KLK12: variants seen among roughly 807,000 people sequenced by gnomAD.
KLK12 encodes the protein kallikrein related peptidase 12, also known as kallikrein-12.
KLK12 carries 23 observed loss-of-function variants against 20.0 expected under a neutral mutation model. The observed-to-expected ratio is 1.15, with a 90% confidence interval of 0.83 to 1.63. The LOEUF (loss-of-function observed/expected upper bound fraction) is 1.63. KLK12 is among the 40% of genes most tolerant of loss of function. KLK12 has a pLI of 0.00. For synonymous variants in KLK12, 147 were observed against 141.9 expected (o/e 1.04, Z -0.25); for missense variants, 351 against 338.6 (o/e 1.04, Z -0.29).
At chr19:51,029,523 C>A (rs2122595210) in intron 5 of KLK12, 66 bp from the exon 6 acceptor site, 1 of 1,357,822 alleles carries the variant, frequency 7.4e-7, no homozygotes, top group Non-Finnish European at 1.1e-6. Context: ...CTCCCCAACC[C>A]TTCAACCCAG....
chr19:51,032,062 A>G lies in KLK12; in HGVS notation c.271T>C (p.Phe91Leu). Residue 91 changes from phenylalanine (F) to leucine (L), a missense_variant, in exon 4 of 6, where the codon TTC becomes CTC. Phe to Leu is a conservative substitution (Grantham distance 22, BLOSUM62 0). Transcript: ENST00000684732. Reference sequence around the variant, plus strand: ...AGGTAGCCGGGATGGGTCACAGAGAAGCCGCTGTGCCGGATCTGCTCGGTC... The same window carrying G: ...AGGTAGCCGGGATGGGTCACAGAGAGGCCGCTGTGCCGGATCTGCTCGGTC... ...DWTEQIRHSG[F>L]SVTHPGYLGA... 1.2e-6 allele frequency: 2 copies of G among 1,604,722 alleles called. No homozygotes were observed. The highest frequency in any genetic ancestry group is 1.7e-6 in the Non-Finnish European group (2 of 1,177,462).
chr19:51,034,661 C>T (rs2122627112), intron 1 of KLK12, 21 bp from the exon 2 acceptor site: 1 of 1,598,320 alleles, frequency 6.3e-7, no homozygotes, highest in Middle Eastern at 2.1e-4. Flanking sequence ...AGGGGAATCT[C>T]AGAGGTCACC....
rs1555789322 is a variant in KLK12 at position 51,031,595 on chromosome 19, C to CATATATATATATATATATATATATAT, written c.457+280_457+281insATATATATATATATATATATATATAT. 4.7e-3 allele frequency among the ~76,000 whole-genome samples: 561 copies of CATATATATATATATATATATATATAT among 120,254 alleles called. 24 individuals carry two copies. The highest frequency in any genetic ancestry group is 0.015 in the Middle Eastern group (3 of 202). The allele number at this position is 120,254 out of a possible 152,430, so 78.9% of individuals were successfully genotyped here. On this transcript the variant is annotated intron_variant, in intron 4 of 5. Transcript: ENST00000684732. ...CCACAATGCCCATATCCTATACATA[C>CATATATATATATATATATATATATAT]ATATATATATATATATGCCTTTTGC...
In KLK12 at chr19:51,030,938, C is replaced by T. The variant is rs1009135798; in HGVS notation, c.458-17G>A. 3 of 1,613,664 alleles carry T rather than the reference C, an allele frequency of 1.9e-6. No individual in the cohort carries two copies. The highest frequency in any genetic ancestry group is 2.5e-6 in the Non-Finnish European group (3 of 1,179,962). ...GGAATGGGTCTGGAGAGAGAACATG[C>T]GTGCTGCAGGGTCCCCTAAATCTCC... is the stretch of plus-strand genomic sequence containing the variant. On this transcript the variant is annotated splice_polypyrimidine_tract_variant and intron_variant, in intron 4 of 5. Coordinates refer to ENST00000684732, the MANE Select transcript of KLK12 (RefSeq NM_001370125.1).
Position 51,029,431 on chromosome 19 carries a change from A to G in KLK12, c.618T>C (p.Cys206=), listed in dbSNP as rs370146789. The change falls in exon 6 of 6, where the codon TGT becomes TGC. Residue 206 remains cysteine (C), a synonymous_variant. Coordinates refer to ENST00000684732, the MANE Select transcript of KLK12 (RefSeq NM_001370125.1). The stretch of plus-strand genomic sequence containing the variant: ...ACACCAGACCTTGAAGGACTCCCCC[A>G]CACACCAGGGGGCCCCCAGAATCAC... The part of the protein sequence containing the change: ...CQGDSGGPLV[C]GGVLQGLVSW... 9.8e-5 allele frequency: 158 copies of G among 1,612,682 alleles called. No individual in the cohort carries two copies. Among genetic ancestry groups the G allele is most frequent in the Non-Finnish European group, 1.2e-4 (146 of 1,178,850 alleles).
Position 51,031,867 on chromosome 19 carries a change from G to A in KLK12, c.457+9C>T, listed in dbSNP as rs2091561817. 1.2e-6 allele frequency: 2 copies of A among 1,613,274 alleles called. No homozygotes were observed. Among genetic ancestry groups the A allele is most frequent in the East Asian group, 2.2e-5 (1 of 44,848 alleles). On this transcript the variant is annotated intron_variant, in intron 4 of 5. Transcript: ENST00000684732. ...CCTGACCCCTGACCCCTGGCCCTGGGCCCCTTACTCCGTGGGTGGTTGGTG... is the reference window on the plus strand; with the variant it reads ...CCTGACCCCTGACCCCTGGCCCTGGACCCCTTACTCCGTGGGTGGTTGGTG...
chr19:51,030,653 C>T, intron 5 of KLK12, 135 bp downstream of exon 5: 3 of 1,294,428 alleles, frequency 2.3e-6, no homozygotes, highest in Non-Finnish European at 3.3e-6. Flanking sequence ...ACCAGCCTCT[C>T]CCTTCCTTTT....
In KLK12 at chr19:51,031,595, C is replaced by CATACATATATATATATATATATATATAT. The variant is rs6146546; in HGVS notation, c.457+280_457+281insATATATATATATATATATATATATGTAT. ...CCACAATGCCCATATCCTATACATACATATATATATATATATGCCTTTTGC... is the reference window on the plus strand; with the variant it reads ...CCACAATGCCCATATCCTATACATACATACATATATATATATATATATATATATATATATATATATATATGCCTTTTGC... On this transcript the variant is annotated intron_variant, in intron 4 of 5. Transcript: ENST00000684732. 8.1e-4 allele frequency among the ~76,000 whole-genome samples: 98 copies of CATACATATATATATATATATATATATAT among 120,456 alleles called. 1 individual carries two copies. Among genetic ancestry groups the CATACATATATATATATATATATATATAT allele is most frequent in the African/African-American group, 1.1e-3 (38 of 34,314 alleles). 79.0% of individuals were successfully genotyped at this position (120,456 alleles called of 152,430 possible). A position where few individuals can be genotyped will look rare whatever the true frequency, so the allele number is the denominator to read the frequency against.
At chr19:51,032,648 A>G (rs2091571443) in intron 3 of KLK12, among the ~76,000 whole-genome samples, 1 of 151,300 alleles carries the variant, frequency 6.6e-6, no homozygotes, top group East Asian at 2.0e-4. Flanking sequence ...CGGCCTCCCA[A>G]AGTGCTGGGA....
chr19:51,030,722 C>A, intron 5 of KLK12, 66 bp downstream of exon 5: 1 of 1,601,520 alleles, frequency 6.2e-7, no homozygotes, highest in Admixed American at 1.7e-5. Flanking sequence ...AGTTCCCCTC[C>A]TGCTTCCAGC....
chr19:51,034,685 C>T (rs188747681), intron 1 of KLK12, 45 bp from the exon 2 acceptor site: 35 of 1,574,006 alleles, frequency 2.2e-5, no homozygotes, highest in Non-Finnish European at 2.7e-5. Context: ...TCCCTGTGCC[C>T]CCCACCTCTG....
chr19:51,034,859 C>G lies in KLK12; in HGVS notation c.-73G>C, dbSNP rs977803304. On this transcript the variant is annotated 5_prime_UTR_variant, in exon 1 of 6. Transcript: ENST00000684732. ...CGTGGCTGTCACTGTTTGGCCTGTC[C>G]TCGTCGCTGCTATCTCTCCGTCCAC... 2.8e-6 allele frequency: 4 copies of G among 1,413,198 alleles called. No individual in the cohort carries two copies. The African/African-American group carries it at 5.8e-5, about 20-fold the overall frequency. The allele number at this position is 1,413,198 out of a possible 1,614,324, so 87.5% of individuals were successfully genotyped here. A position where few individuals can be genotyped will look rare whatever the true frequency, so the allele number is the denominator to read the frequency against.
At chr19:51,034,374 G>C in intron 2 of KLK12, 1 of 1,344,160 alleles carries the variant, frequency 7.4e-7, no homozygotes, top group Non-Finnish European at 9.9e-7. Context: ...TTCAGAGAGG[G>C]ACAGAAGGGA....
rs6146546 is a variant in KLK12, at chr19:51,031,595, C to CATACATATATATATATATAT, written c.457+280_457+281insATATATATATATATATGTAT. ...CCACAATGCCCATATCCTATACATACATATATATATATATATGCCTTTTGC... is the reference window on the plus strand; with the variant it reads ...CCACAATGCCCATATCCTATACATACATACATATATATATATATATATATATATATATATATGCCTTTTGC... On this transcript the variant is annotated intron_variant, in intron 4 of 5. Coordinates refer to ENST00000684732, the MANE Select transcript of KLK12 (RefSeq NM_001370125.1). Among the ~76,000 whole-genome samples, 596 of 120,452 alleles carry CATACATATATATATATATAT rather than the reference C, an allele frequency of 4.9e-3. 9 individuals are homozygous for CATACATATATATATATATAT. Among genetic ancestry groups the CATACATATATATATATATAT allele is most frequent in the Middle Eastern group, 0.025 (5 of 202 alleles). The allele number at this position is 120,452 out of a possible 152,430, so 79.0% of individuals were successfully genotyped here.
chr19:51,030,776 G>T lies in KLK12; in HGVS notation c.591+12C>A. ...GTCCTGGTGACCACGCACGCTGCCT[G>T]CACTGGCTCACCTGGCAGGCATCCT... On this transcript the variant is annotated intron_variant, in intron 5 of 5. Transcript: ENST00000684732. The T allele has an allele frequency of 6.2e-7, 1 of 1,613,096 alleles. No individual in the cohort carries two copies. Among genetic ancestry groups the T allele is most frequent in the Non-Finnish European group, 8.5e-7 (1 of 1,179,980 alleles).
Position 51,033,741 on chromosome 19 carries a change from A to G in KLK12, c.197+239T>C, listed in dbSNP as rs182934261. 3,034 of 593,190 alleles carry G rather than the reference A, an allele frequency of 5.1e-3. 14 individuals are homozygous for G. The highest frequency in any genetic ancestry group is 0.011 in the Middle Eastern group (24 of 2,222). The allele number at this position is 593,190 out of a possible 1,614,324, so 36.7% of individuals were successfully genotyped here. A position where few individuals can be genotyped will look rare whatever the true frequency, so the allele number is the denominator to read the frequency against. On this transcript the variant is annotated intron_variant, in intron 3 of 5. Coordinates refer to ENST00000684732, the MANE Select transcript of KLK12 (RefSeq NM_001370125.1). Reference sequence around the variant, plus strand: ...ATAGGAAAGAAAGGGTACATGCAGGAATGGGAGAGGCAGGAGGGCAGGTTC... The same window carrying G: ...ATAGGAAAGAAAGGGTACATGCAGGGATGGGAGAGGCAGGAGGGCAGGTTC...
In KLK12 at chr19:51,034,845, C is replaced by G; in HGVS notation, c.-59G>C. 8.4e-6 allele frequency: 12 copies of G among 1,433,904 alleles called. No individual in the cohort carries two copies. The highest frequency in any genetic ancestry group is 1.0e-5 in the Non-Finnish European group (11 of 1,094,788). The allele number at this position is 1,433,904 out of a possible 1,614,324, so 88.8% of individuals were successfully genotyped here. On this transcript the variant is annotated 5_prime_UTR_variant, in exon 1 of 6. Transcript: ENST00000684732. ...TGCCAGATCCTCTACGTGGCTGTCA[C>G]TGTTTGGCCTGTCCTCGTCGCTGCT...
intron 2 of KLK12, 162 bp downstream of exon 2, chr19:51,034,423 A>G (rs2122625742): frequency 6.8e-7 from 1 of 1,476,464 alleles, no homozygotes; most frequent in Non-Finnish European, 9.0e-7. Context: ...GGTGAGCAGT[A>G]CCCTGAGAGC....
chr19:51,034,296 C>A, intron 2 of KLK12, 157 bp from the exon 3 acceptor site: 1 of 1,150,050 alleles, frequency 8.7e-7, no homozygotes, highest in Non-Finnish European at 1.2e-6. Context: ...TAGAAAAAGA[C>A]CATGAAACAT....
Sources: gnomAD v4.1 joint callset for allele counts (sites outside exome capture counted in the v4.1 genomes callset) on GRCh38, gnomAD v4.1.1 for gene constraint, MANE v1.5 for transcripts, NCBI Gene and HGNC (gene_info 2026-07-23, HGNC 2026-07-21) for gene names.